The following HAGH variants were observed in gnomAD, a reference collection of about 807,000 sequenced individuals.
The protein encoded by HAGH is hydroxyacylglutathione hydrolase, also known as hydroxyacylglutathione hydrolase, mitochondrial.
HAGH carries 29 observed loss-of-function variants against 35.1 expected under a neutral mutation model. The observed-to-expected ratio is 0.83, with a 90% CI of 0.62 to 1.13. The LOEUF (loss-of-function observed/expected upper bound fraction) is 1.13. Among genes scored for constraint, HAGH ranks in the 50% most tolerant of loss-of-function variants. The probability of loss-of-function intolerance (pLI) is 0.00; values close to 1 mark genes in which losing one functional copy is unlikely to be tolerated. For synonymous variants in HAGH, 225 were observed against 176.1 expected (o/e 1.28, Z -2.20); for missense variants, 478 against 419.6 (o/e 1.14, Z -1.22).
intron 7 of HAGH, among the ~76,000 whole-genome samples, chr16:1,815,292 C>A (rs908620806): frequency 1.3e-5 from 2 of 152,168 alleles, no homozygotes; most frequent in African/African-American, 4.8e-5. Flanking sequence ...ACGGTTCACA[C>A]CTTTAACCAC....
Position 1,808,068 on chromosome 16 carries a change from C to G in HAGH, c.*1215G>C, listed in dbSNP as rs1028590. 7.2e-5 allele frequency: 11 copies of G among 152,030 alleles called. No individual in the cohort carries two copies. The highest frequency in any genetic ancestry group is 2.4e-5 in the African/African-American group (1 of 41,406). The allele number at this position is 152,030 out of a possible 1,614,324, so 9.4% of individuals were successfully genotyped here. A position where few individuals can be genotyped will look rare whatever the true frequency, so the allele number is the denominator to read the frequency against. On this transcript the variant is annotated 3_prime_UTR_variant, in exon 9 of 9. Transcript: ENST00000397356. ...CAAATGTTTCAGAACACGCGAGAGG[C>G]GGCTGCAGCATTGTGAATGGACTAA... is the stretch of plus-strand genomic sequence containing the variant.
At chr16:1,823,800 G>C (rs1047423921) in intron 1 of HAGH, among the ~76,000 whole-genome samples, 2 of 135,564 alleles carry the variant, frequency 1.5e-5, no homozygotes, top group African/African-American at 5.5e-5. Context: ...TCCCTGAGGA[G>C]AACACAGGAA....
intron 7 of HAGH, 64 bp downstream of exon 7, chr16:1,816,829 C>T: frequency 9.8e-7 from 1 of 1,022,382 alleles, no homozygotes; most frequent in East Asian, 2.4e-5. Flanking sequence ...TCTGGCGACC[C>T]CGCTGTGCAC....
In HAGH at chr16:1,816,955, TGA is replaced by T. The variant is rs768044905; in HGVS notation, c.683_684del (p.Leu228GlnfsTer58). On this transcript the variant is annotated frameshift_variant, in exon 7 of 9. Transcript: ENST00000397356. LOFTEE classifies it high-confidence loss of function. ...CCGGGCTCCACGTGGCGTGCAAACT[TGA>T]GGTTGTTGATGGTGTACTCGTGGCC... is the stretch of plus-strand genomic sequence containing the variant. ...YCGHEYTINN[L>X]KFARHVEPGN... The T allele has an allele frequency of 6.2e-7, 1 of 1,613,462 alleles. No individual in the cohort carries two copies. The highest frequency in any genetic ancestry group is 1.1e-5 in the South Asian group (1 of 91,078).
At chr16:1,815,524 G>A (rs1327698719) in intron 7 of HAGH, among the ~76,000 whole-genome samples, 1 of 152,234 alleles carries the variant, frequency 6.6e-6, no homozygotes, top group Non-Finnish European at 1.5e-5. Context: ...ATGCCACAGA[G>A]ATGACGGAGC....
intron 7 of HAGH, among the ~76,000 whole-genome samples, chr16:1,812,007 A>G (rs1177067115): frequency 2.6e-5 from 4 of 151,720 alleles, no homozygotes; most frequent in African/African-American, 9.7e-5. Context: ...CCTAGGCAAC[A>G]TCGTGTAAAC....
Position 1,809,239 on chromosome 16 carries a change from TA to T in HAGH, c.*43del. 1 of 1,361,920 alleles carries T rather than the reference TA, an allele frequency of 7.3e-7. No homozygotes were observed. The highest frequency in any genetic ancestry group is 2.3e-5 in the East Asian group (1 of 43,058). The allele number at this position is 1,361,920 out of a possible 1,614,324, so 84.4% of individuals were successfully genotyped here. A position where few individuals can be genotyped will look rare whatever the true frequency, so the allele number is the denominator to read the frequency against. Reference sequence around the variant, plus strand: ...CGGACCAGCAGGAAAGCCAGTTACCTAAAAGAGCCTAATCCCCAAATCCGCT... The same window carrying T: ...CGGACCAGCAGGAAAGCCAGTTACCTAAAGAGCCTAATCCCCAAATCCGCT... On this transcript the variant is annotated 3_prime_UTR_variant, in exon 9 of 9. Coordinates refer to ENST00000397356, the MANE Select transcript of HAGH (RefSeq NM_005326.6).
At chr16:1,810,195 G>A (rs7186249) in intron 7 of HAGH, 39 of 247,100 alleles carry the variant, frequency 1.6e-4, no homozygotes, top group Non-Finnish European at 2.4e-4. Flanking sequence ...GTAACCTTAG[G>A]ACACTGCCCG....
At chr16:1,814,612 T>C (rs1897805195) in intron 7 of HAGH, among the ~76,000 whole-genome samples, 1 of 151,888 alleles carries the variant, frequency 6.6e-6, no homozygotes, top group Non-Finnish European at 1.5e-5. Flanking sequence ...TTTAAATATA[T>C]ATCTCAGCTG....
At chr16:1,813,129 A>C (rs1262392225) in intron 7 of HAGH, among the ~76,000 whole-genome samples, 5 of 152,194 alleles carry the variant, frequency 3.3e-5, no homozygotes, top group Admixed American at 2.6e-4. Flanking sequence ...TGTTTGGATC[A>C]TGGGGGGAAT....
At chr16:1,813,878 G>C (rs533524867) in intron 7 of HAGH, among the ~76,000 whole-genome samples, 2 of 152,316 alleles carry the variant, frequency 1.3e-5, no homozygotes, top group South Asian at 4.1e-4. Context: ...ACAGAGCAGA[G>C]ACCAGAAGCA....
chr16:1,816,663 G>A (rs2076451), intron 7 of HAGH, among the ~76,000 whole-genome samples: 28,125 of 152,212 alleles, frequency 0.18, 3,096 homozygotes, highest in South Asian at 0.29. Flanking sequence ...CAGGCTGGGC[G>A]CTTTTTACAC....
At chr16:1,822,186 TTG>T in intron 3 of HAGH, 112 bp downstream of exon 3, 1 of 713,400 alleles carries the variant, frequency 1.4e-6, no homozygotes, top group South Asian at 1.6e-5. Context: ...TGCTGGGGGC[TTG>T]TCCTCACAAA....
chr16:1,819,206 G>A lies in HAGH; in HGVS notation c.450C>T (p.Val150=). Reference sequence around the variant, plus strand: ...TGTGGCACGGGGTCGCCAGGCACTTGACGTTCAGAGACCCCACCTTCAACA... The same window carrying A: ...TGTGGCACGGGGTCGCCAGGCACTTAACGTTCAGAGACCCCACCTTCAACA... ...LSTLQVGSLN[V]KCLATPCHTS... is the part of the protein sequence containing the mutation. Residue 150 remains valine, a synonymous_variant, in exon 5 of 9, where the codon GTC becomes GTT. Transcript: ENST00000397356. The A allele has an allele frequency of 6.8e-6, 11 of 1,609,664 alleles. 1 individual carries two copies. The highest frequency in any genetic ancestry group is 3.3e-4 in the Middle Eastern group (2 of 6,048).
In HAGH at chr16:1,809,046, G is replaced by T; in HGVS notation, c.*237C>A. The stretch of plus-strand genomic sequence containing the variant: ...CAGTGGCTCACGGAGGAGGAAGGAG[G>T]CCCGAGGGGACAAGCAGAGGCCTAA... On this transcript the variant is annotated 3_prime_UTR_variant, in exon 9 of 9. Coordinates refer to ENST00000397356, the MANE Select transcript of HAGH (RefSeq NM_005326.6). The T allele has an allele frequency of 2.1e-6, 1 of 482,774 alleles. No individual in the cohort carries two copies. Among genetic ancestry groups the T allele is most frequent in the Non-Finnish European group, 3.7e-6 (1 of 270,220 alleles). 29.9% of individuals were successfully genotyped at this position (482,774 alleles called of 1,614,324 possible).
chr16:1,819,383 GCTCA>G (rs1170215202), intron 4 of HAGH, among the ~76,000 whole-genome samples, 160 bp from the exon 5 acceptor site: 1 of 152,230 alleles, frequency 6.6e-6, no homozygotes, highest in African/African-American at 2.4e-5. Flanking sequence ...TGGGGGACTC[GCTCA>G]CTCCATGGGT....
intron 7 of HAGH, among the ~76,000 whole-genome samples, chr16:1,815,874 C>A (rs1416282609): frequency 6.6e-6 from 1 of 151,238 alleles, no homozygotes; most frequent in Non-Finnish European, 1.5e-5. Flanking sequence ...GAAAAATTAG[C>A]TGGGCGTGTT....
chr16:1,819,911 G>A lies in HAGH; in HGVS notation c.418C>T (p.Leu140=), dbSNP rs374792913. ...IGALTHKITH[L]STLQVGSLNV... ...TCACTCCTTACCTGCAGTGTGGACAGGTGAGTGATCTTGTGAGTCAGGGCC... is the reference window on the plus strand; with the variant it reads ...TCACTCCTTACCTGCAGTGTGGACAAGTGAGTGATCTTGTGAGTCAGGGCC... Residue 140 remains leucine, a synonymous_variant, in exon 4 of 9, where the codon CTG becomes TTG. Coordinates refer to ENST00000397356, the MANE Select transcript of HAGH (RefSeq NM_005326.6). The A allele has an allele frequency of 3.7e-6, 6 of 1,605,958 alleles. No individual in the cohort carries two copies. The African/African-American group carries it at 8.0e-5, about 21-fold the overall frequency.
chr16:1,817,317 G>A (rs774059937), intron 5 of HAGH, 46 bp from the exon 6 acceptor site: 9 of 1,222,820 alleles, frequency 7.4e-6, no homozygotes, highest in Non-Finnish European at 8.5e-6. Flanking sequence ...TGAGGCTGGT[G>A]GCTAGGACTC....
Sources: allele counts gnomAD v4.1 joint callset (sites outside exome capture counted in the v4.1 genomes callset), GRCh38; gene constraint gnomAD v4.1.1; transcripts MANE v1.5; gene names NCBI Gene and HGNC (gene_info 2026-07-23, HGNC 2026-07-21).